SLCO1B3: variants seen among roughly 807,000 people sequenced by gnomAD.
SLCO1B3 encodes the protein liver-specific organic anion transporter 2.
Under a neutral mutation model 71.8 loss-of-function variants are expected in SLCO1B3, and 72 were observed. That is an observed-to-expected ratio of 1.00 (90% CI 0.83 to 1.22). The LOEUF (loss-of-function observed/expected upper bound fraction) is 1.22, where lower values mean the gene tolerates loss of function less well. SLCO1B3 is among the 50% of genes most tolerant of loss of function. The pLI is 0.00. For synonymous variants in SLCO1B3, 298 were observed against 278.4 expected, an observed-to-expected ratio of 1.07 and a Z score of -0.70; for missense variants, 911 against 819.7, an observed-to-expected ratio of 1.11 and a Z score of -1.36.
chr12:20,899,623 C>T (rs2120372205), intron 14 of SLCO1B3, among the ~76,000 whole-genome samples: 1 of 152,310 alleles, frequency 6.6e-6, no homozygotes, highest in East Asian at 1.9e-4. Context: ...TGTCCCTAAT[C>T]TTCCAGCCTC....
At chr12:20,834,228 G>A (rs964506761) in intron 3 of SLCO1B3, among the ~76,000 whole-genome samples, 1 of 145,424 alleles carries the variant, frequency 6.9e-6, no homozygotes, top group Non-Finnish European at 1.5e-5. Context: ...TGGAGAAAGT[G>A]TGTATATATA....
intron 15 of SLCO1B3, among the ~76,000 whole-genome samples, chr12:20,914,203 C>G (rs1178981924): frequency 6.6e-6 from 1 of 152,108 alleles, no homozygotes; most frequent in Non-Finnish European, 1.5e-5. Flanking sequence ...GTATTCCACT[C>G]TCTGTCTTCC....
chr12:20,915,372 C>G (rs1866470945), intron 15 of SLCO1B3, among the ~76,000 whole-genome samples: 1 of 152,124 alleles, frequency 6.6e-6, no homozygotes, highest in African/African-American at 2.4e-5. Flanking sequence ...ACCTTTCTTA[C>G]ATTCTGTCTA....
intron 12 of SLCO1B3, 57 bp downstream of exon 12, chr12:20,881,077 TAATA>T: frequency 8.0e-7 from 1 of 1,246,354 alleles, no homozygotes. Flanking sequence ...AGATTTGATT[TAATA>T]AATACTTATC....
intron 8 of SLCO1B3, among the ~76,000 whole-genome samples, chr12:20,873,327 G>A (rs145083954): frequency 3.9e-4 from 58 of 150,068 alleles, no homozygotes; most frequent in African/African-American, 1.4e-3. Flanking sequence ...CCATGGAGGA[G>A]CTAAGAGCTG....
At chr12:20,821,949 A>G (rs1490817602) in intron 3 of SLCO1B3, among the ~76,000 whole-genome samples, 1 of 148,546 alleles carries the variant, frequency 6.7e-6, no homozygotes, top group East Asian at 1.9e-4. Flanking sequence ...GAGAAGGGAG[A>G]GATTGAAGTG....
In SLCO1B3 at chr12:20,863,026, T is replaced by C. The variant is rs75186825; in HGVS notation, c.727+172T>C. The stretch of plus-strand genomic sequence containing the variant: ...GAATAAAAAAGAAATTTAGCTCCTA[T>C]TTATACTTTGCTTTTACAACTAAGT... On this transcript the variant is annotated intron_variant, in intron 8 of 15. Transcript: ENST00000381545. 8.7e-3 allele frequency among the ~76,000 whole-genome samples: 1,329 copies of C among 152,346 alleles called. 13 individuals are homozygous for C. Among genetic ancestry groups the C allele is most frequent in the African/African-American group, 0.03 (1,254 of 41,576 alleles).
chr12:20,881,978 T>G (rs557307976), intron 12 of SLCO1B3, among the ~76,000 whole-genome samples: 32 of 152,340 alleles, frequency 2.1e-4, no homozygotes, highest in Non-Finnish European at 8.8e-5. Context: ...AGCCTCCTAG[T>G]TTCCTTGAAG....
intron 15 of SLCO1B3, among the ~76,000 whole-genome samples, chr12:20,906,594 G>A (rs1431647481): frequency 6.6e-6 from 1 of 152,136 alleles, no homozygotes; most frequent in East Asian, 1.9e-4. Flanking sequence ...GTTGGGCAGG[G>A]AGATCTCCAT....
Position 20,815,759 on chromosome 12 carries a change from G to C in SLCO1B3, c.21G>C (p.Leu7Phe), listed in dbSNP as rs1391998125. 2.5e-6 allele frequency: 4 copies of C among 1,594,346 alleles called. No individual in the cohort carries two copies. The highest frequency in any genetic ancestry group is 3.4e-6 in the Non-Finnish European group (4 of 1,168,114). ...TAATAATGGACCAACATCAACATTT[G>C]AATAAAACAGCAGAGTCAGCATCTT... Reference protein sequence around the residue: MDQHQHLNKTAESASSE... With the variant: MDQHQHFNKTAESASSE... The change falls in exon 3 of 16, where the codon TTG becomes TTC. Residue 7 changes from leucine (L) to phenylalanine (F), a missense_variant. Leu to Phe is a conservative substitution (Grantham distance 22). Coordinates refer to ENST00000381545, the MANE Select transcript of SLCO1B3 (RefSeq NM_019844.4).
chr12:20,851,277 C>T (rs1295246852), intron 3 of SLCO1B3, among the ~76,000 whole-genome samples: 3 of 152,118 alleles, frequency 2.0e-5, no homozygotes, highest in African/African-American at 7.2e-5. Flanking sequence ...CACTATTTTA[C>T]ATTTCAAACA....
chr12:20,846,762 G>C (rs941837822), intron 3 of SLCO1B3, among the ~76,000 whole-genome samples: 3 of 152,098 alleles, frequency 2.0e-5, no homozygotes, highest in Non-Finnish European at 2.9e-5. Context: ...GTTCAGTGGG[G>C]CAGGGGAGTT....
chr12:20,854,393 A>C (rs1221295191), intron 3 of SLCO1B3, among the ~76,000 whole-genome samples: 1 of 152,044 alleles, frequency 6.6e-6, no homozygotes, highest in Non-Finnish European at 1.5e-5. Flanking sequence ...TTAGGTGCAG[A>C]TCTATTTATA....
At chr12:20,836,118 G>A (rs1015723662) in intron 3 of SLCO1B3, among the ~76,000 whole-genome samples, 1 of 152,128 alleles carries the variant, frequency 6.6e-6, no homozygotes, top group South Asian at 2.1e-4. Context: ...ACTATCACAA[G>A]AGCAGCATAG....
chr12:20,858,364 T>C, intron 4 of SLCO1B3, 75 bp from the exon 5 acceptor site: 1 of 1,067,572 alleles, frequency 9.4e-7, no homozygotes, highest in Non-Finnish European at 1.4e-6. Flanking sequence ...ATATTTGCAT[T>C]CATTTGGGGC....
chr12:20,893,502 T>C (rs1029177543), intron 13 of SLCO1B3, among the ~76,000 whole-genome samples: 4 of 151,968 alleles, frequency 2.6e-5, no homozygotes, highest in African/African-American at 7.2e-5. Flanking sequence ...GATCTGGAAG[T>C]GGTAAAAATG....
Position 20,871,704 on chromosome 12 carries a change from C to T in SLCO1B3, c.728-3531C>T, listed in dbSNP as rs180692096. The stretch of plus-strand genomic sequence containing the variant: ...AGGCAGAGACTCTTGTTCTCTTCCC[C>T]TGCTTTCTCCAAAGCAAATGTAGTC... On this transcript the variant is annotated intron_variant, in intron 8 of 15. Transcript: ENST00000381545. Among the ~76,000 whole-genome samples, 145 of 152,224 alleles carry T rather than the reference C, an allele frequency of 9.5e-4. 1 individual carries two copies. Among genetic ancestry groups the T allele is most frequent in the African/African-American group, 3.2e-3 (134 of 41,562 alleles).
Position 20,881,013 on chromosome 12 carries a change from AG to A in SLCO1B3, c.1491del (p.Lys497AsnfsTer13). 1 of 1,606,284 alleles carries A rather than the reference AG, an allele frequency of 6.2e-7. No individual in the cohort carries two copies. ...TGCAAATCCTCAAGTGGTATTAAAA[AG>A]CATACAGTGAGTATTAGTTTTCACT... The part of the protein sequence containing the change: ...AGCKSSSGIK[K>X]HTVFYNCSCV... On this transcript the variant is annotated frameshift_variant, in exon 12 of 16. Transcript: ENST00000381545. LOFTEE classifies it high-confidence loss of function.
At chr12:20,843,966 G>A (rs1435218108) in intron 3 of SLCO1B3, among the ~76,000 whole-genome samples, 1 of 151,578 alleles carries the variant, frequency 6.6e-6, no homozygotes, top group South Asian at 2.1e-4. Context: ...CTCAATCTGA[G>A]GTTTTCACAT....
Sources: gnomAD v4.1 joint callset for allele counts (sites outside exome capture counted in the v4.1 genomes callset) on GRCh38, gnomAD v4.1.1 for gene constraint, MANE v1.5 for transcripts, NCBI Gene and HGNC (gene_info 2026-07-23, HGNC 2026-07-21) for gene names.